Variants in MYO1A observed in about 807,000 individuals in gnomAD.
MYO1A encodes the protein myosin IA.
Under a neutral mutation model 138.5 loss-of-function variants are expected in MYO1A, and 127 were observed. The observed-to-expected ratio is 0.92, with a 90% confidence interval of 0.79 to 1.06. The LOEUF is 1.06. Among genes scored for constraint, MYO1A ranks in the 50% least tolerant of loss-of-function variants. The probability of loss-of-function intolerance (pLI) is 0.00; values close to 1 mark genes in which losing one functional copy is unlikely to be tolerated. For missense variants in MYO1A, 1,211 were observed against 1,288.8 expected, an observed-to-expected ratio of 0.94 and a Z score of 0.92; for synonymous variants, 477 against 497.5, an observed-to-expected ratio of 0.96 and a Z score of 0.55.
At position 57,044,114 on chromosome 12, in the gene MYO1A, C is replaced by T. The variant is rs150726665; in HGVS notation, c.736G>A (p.Ala246Thr). The change falls in exon 9 of 28, where the codon GCT becomes ACT. Residue 246 changes from alanine (A) to threonine (T), a missense_variant. By Grantham distance (58) the Ala-to-Thr change is moderately conservative. Transcript: ENST00000300119. ...DGMDDASSFR[A>T]VQSAMAVIGF... The stretch of plus-strand genomic sequence containing the variant: ...TCACCCTGGGCACCCACCTGTACAG[C>T]CCTGAAGCTGGAGGCGTCGTCCATG... 46 of 1,614,088 alleles carry T rather than the reference C, an allele frequency of 2.8e-5. No individual in the cohort carries two copies. In the African/African-American group the frequency reaches 6.0e-4, roughly 21 times the overall value.
At position 57,037,942 on chromosome 12, in the gene MYO1A, C is replaced by A. The variant is rs1230269107; in HGVS notation, c.1888G>T (p.Gly630Cys). Residue 630 changes from glycine (G) to cysteine (C), a missense_variant, in exon 18 of 28, where the codon GGT becomes TGT. By Grantham distance (159) the Gly-to-Cys change is radical. Coordinates refer to ENST00000300119, the MANE Select transcript of MYO1A (RefSeq NM_005379.4). ...TACCTTTCCAGGAAGGGCCCATAAC[C>A]CTGGCGGTGGGCATAGCCTGCCCGT... ...VRRAGYAHRQ[G>C]YGPFLERYRL... The A allele has an allele frequency of 3.1e-6, 5 of 1,614,184 alleles. No homozygotes were observed. The highest frequency in any genetic ancestry group is 3.4e-6 in the Non-Finnish European group (4 of 1,180,038).
At chr12:57,038,715 G>A (rs957101028) in intron 16 of MYO1A, 77 bp from the exon 17 acceptor site, 2 of 1,607,630 alleles carry the variant, frequency 1.2e-6, no homozygotes, top group Admixed American at 3.3e-5. Context: ...TCATTGTGAA[G>A]TATTCCAGAC....
intron 22 of MYO1A, among the ~76,000 whole-genome samples, chr12:57,034,424 G>A (rs1441079916): frequency 1.3e-5 from 2 of 152,208 alleles, no homozygotes; most frequent in African/African-American, 4.8e-5. Flanking sequence ...TGTAATCCTA[G>A]CACTTTGGGA....
intron 22 of MYO1A, among the ~76,000 whole-genome samples, chr12:57,031,538 C>T (rs1302839176): frequency 2.6e-5 from 4 of 152,192 alleles, no homozygotes; most frequent in African/African-American, 9.7e-5. Context: ...CAGCCACTGT[C>T]TGTGTCAGCT....
At position 57,028,944 on chromosome 12, in the gene MYO1A, A is replaced by T. The variant is rs56347319; in HGVS notation, c.3006-63T>A. On this transcript the variant is annotated intron_variant, in intron 27 of 27. Coordinates refer to ENST00000300119, the MANE Select transcript of MYO1A (RefSeq NM_005379.4). Reference sequence around the variant, plus strand: ...CCCTCACCCCGACTCCCGCATTTCCATGATGGCCCCCCCATCATGCGAGTC... The same window carrying T: ...CCCTCACCCCGACTCCCGCATTTCCTTGATGGCCCCCCCATCATGCGAGTC... 48,586 of 1,600,898 alleles carry T rather than the reference A, an allele frequency of 0.03. 1,053 individuals are homozygous for T. The highest frequency in any genetic ancestry group is 0.11 in the African/African-American group (7,916 of 74,434).
intron 22 of MYO1A, among the ~76,000 whole-genome samples, chr12:57,033,284 A>G (rs1248459521): frequency 6.6e-6 from 1 of 152,224 alleles, no homozygotes; most frequent in African/African-American, 2.4e-5. Flanking sequence ...TCCAGGATCC[A>G]ATCAAGCTTC....
chr12:57,043,417 G>T, intron 10 of MYO1A, 59 bp from the exon 11 acceptor site: 1 of 1,514,416 alleles, frequency 6.6e-7, no homozygotes, highest in Non-Finnish European at 9.2e-7. Flanking sequence ...AGGGGAGGGA[G>T]TGCAATCTGA....
In MYO1A at chr12:57,038,936, A is replaced by G. The variant is rs1015711839; in HGVS notation, c.1406T>C (p.Leu469Pro). 6.2e-7 allele frequency: 1 copy of G among 1,614,178 alleles called. No homozygotes were observed. Among genetic ancestry groups the G allele is most frequent in the East Asian group, 2.2e-5 (1 of 44,876 alleles). The change falls in exon 16 of 28, where the codon CTA becomes CCA. Residue 469 changes from leucine to proline, a missense_variant. Transcript: ENST00000300119. ...GGAGAAGAGCTGGTTCAGCTTTGCT[A>G]GGAAAGTGGAGTCACTGACCACCCC... is the stretch of plus-strand genomic sequence containing the variant. ...RPGVVSDSTF[L>P]AKLNQLFSKH...
At chr12:57,030,110 A>C (rs969755623) in intron 24 of MYO1A, 100 bp downstream of exon 24, 7 of 1,287,528 alleles carry the variant, frequency 5.4e-6, no homozygotes, top group Admixed American at 5.3e-5. Flanking sequence ...GGGACACAGC[A>C]CCTGGGGGTG....
Position 57,048,414 on chromosome 12 carries a change from T to C in MYO1A, c.-20-71A>G, listed in dbSNP as rs922434812. On this transcript the variant is annotated intron_variant, in intron 1 of 27. Coordinates refer to ENST00000300119, the MANE Select transcript of MYO1A (RefSeq NM_005379.4). ...GGCCAGTAACTGTTTGAGGGGAGGA[T>C]GGCAGAAGGACCAAAAGAGCCTTCC... 4.3e-6 allele frequency: 4 copies of C among 920,448 alleles called. No individual in the cohort carries two copies. In the African/African-American group the frequency reaches 6.5e-5, roughly 15 times the overall value. 57.0% of individuals were successfully genotyped at this position (920,448 alleles called of 1,614,324 possible).
intron 22 of MYO1A, among the ~76,000 whole-genome samples, chr12:57,035,421 C>T (rs949874523): frequency 2.0e-5 from 3 of 152,150 alleles, no homozygotes; most frequent in Non-Finnish European, 4.4e-5. Context: ...AGCCCCCATT[C>T]CTCTCTTGAG....
chr12:57,043,730 C>T, intron 10 of MYO1A, 126 bp downstream of exon 10: 1 of 1,289,938 alleles, frequency 7.8e-7, no homozygotes, highest in South Asian at 1.3e-5. Context: ...TAGGGGAGAA[C>T]TCAGGAGTGG....
Position 57,048,062 on chromosome 12 carries a change from GTT to G in MYO1A, c.155_156del (p.Gln52ProfsTer20). 1 of 1,614,164 alleles carries G rather than the reference GTT, an allele frequency of 6.2e-7. No homozygotes were observed. The highest frequency in any genetic ancestry group is 1.3e-5 in the African/African-American group (1 of 75,034). On this transcript the variant is annotated frameshift_variant, in exon 3 of 28. Transcript: ENST00000300119. LOFTEE classifies it high-confidence loss of function. ...GNVVISVNPY[Q>X]QLPIYGPEFI... ...AACTCTGGCCCATAGATGGGAAGCT[GTT>G]GATAGGGATTCACTGAGATCACCAC...
Position 57,038,416 on chromosome 12 carries a change from T to C in MYO1A, c.1756A>G (p.Ile586Val). The C allele has an allele frequency of 6.2e-7, 1 of 1,614,060 alleles. No individual in the cohort carries two copies. The highest frequency in any genetic ancestry group is 8.5e-7 in the Non-Finnish European group (1 of 1,179,898). Residue 586 changes from isoleucine (I) to valine (V), a missense_variant, in exon 17 of 28, where the codon ATC becomes GTC. Transcript: ENST00000300119. ...CCCTGCATGCCAGCATGTCACCTGA[T>C]GTAGTTGGGGCTCTTGGAATACAGA... Reference protein sequence around the residue: ...KNLYSKSPNYIRCIKPNEHQQ... With the variant: ...KNLYSKSPNYVRCIKPNEHQQ...
intron 26 of MYO1A, 49 bp downstream of exon 26, chr12:57,029,386 T>A (rs1328544352): frequency 6.2e-7 from 1 of 1,613,750 alleles, no homozygotes; most frequent in African/African-American, 1.3e-5. Flanking sequence ...AGCCCTGGGA[T>A]GCATACCACC....
In MYO1A at chr12:57,038,981, T is replaced by A. The variant is rs201562120; in HGVS notation, c.1361A>T (p.Asp454Val). 1 of 1,614,082 alleles carries A rather than the reference T, an allele frequency of 6.2e-7. No homozygotes were observed. The highest frequency in any genetic ancestry group is 8.5e-7 in the Non-Finnish European group (1 of 1,180,004). ...CACCCCAGGCCGCAGGCACTCCTCA[T>A]CCAACATGGCCAGGATACCTCGCTG... ...HNQRGILAML[D>V]EECLRPGVVS... is the part of the protein sequence containing the mutation. The change falls in exon 16 of 28, where the codon GAT becomes GTT. Residue 454 changes from aspartate to valine, a missense_variant. Physicochemically the swap from Asp to Val is radical, Grantham distance 152. Coordinates refer to ENST00000300119, the MANE Select transcript of MYO1A (RefSeq NM_005379.4).
intron 24 of MYO1A, 111 bp from the exon 25 acceptor site, chr12:57,029,983 C>T: frequency 6.5e-7 from 1 of 1,535,950 alleles, no homozygotes; most frequent in Non-Finnish European, 9.0e-7. Flanking sequence ...CACGTATCCT[C>T]TGTCAGTGTC....
chr12:57,031,804 C>T lies in MYO1A; in HGVS notation c.2350-630G>A, dbSNP rs1455829612. 2.0e-5 allele frequency among the ~76,000 whole-genome samples: 3 copies of T among 152,188 alleles called. No homozygotes were observed. In the East Asian group the frequency reaches 5.8e-4, roughly 29 times the overall value. ...AATGAGCAATAGTCAGGGTCCTAACCACGGTCAAAAATCCAATCAGCGGAG... is the reference window on the plus strand; with the variant it reads ...AATGAGCAATAGTCAGGGTCCTAACTACGGTCAAAAATCCAATCAGCGGAG... On this transcript the variant is annotated intron_variant, in intron 22 of 27. Coordinates refer to ENST00000300119, the MANE Select transcript of MYO1A (RefSeq NM_005379.4).
chr12:57,041,940 G>T (rs1203464614), intron 12 of MYO1A, among the ~76,000 whole-genome samples: 1 of 152,206 alleles, frequency 6.6e-6, no homozygotes, highest in Non-Finnish European at 1.5e-5. Flanking sequence ...CTACCTTTCA[G>T]TAATAGCTTC....
Sources: allele counts gnomAD v4.1 joint callset (sites outside exome capture counted in the v4.1 genomes callset), GRCh38; gene constraint gnomAD v4.1.1; transcripts MANE v1.5; gene names NCBI Gene and HGNC (gene_info 2026-07-23, HGNC 2026-07-21).